The following C6orf132 variants were observed in gnomAD, a reference collection of about 807,000 sequenced individuals.
The protein encoded by C6orf132 is chromosome 6 open reading frame 132.
Under a neutral mutation model 65.3 loss-of-function variants are expected in C6orf132, and 43 were observed. The ratio of observed to expected loss-of-function variants is 0.66; its 90% CI spans 0.52 to 0.85. The LOEUF (loss-of-function observed/expected upper bound fraction) is 0.85, where lower values mean the gene tolerates loss of function less well. C6orf132 is among the 40% of genes least tolerant of loss of function. C6orf132 has a pLI of 0.00. For synonymous variants in C6orf132, 631 were observed against 654.1 expected, an observed-to-expected ratio of 0.96 and a Z score of 0.54; for missense variants, 1,488 against 1,548.8, an observed-to-expected ratio of 0.96 and a Z score of 0.66.
intron 2 of C6orf132, among the ~76,000 whole-genome samples, chr6:42,128,085 G>A (rs561939904): frequency 2.4e-4 from 34 of 142,214 alleles, no homozygotes; most frequent in South Asian, 7.0e-4. Context: ...CCACTACACC[G>A]GCTATTTTTT....
intron 2 of C6orf132, among the ~76,000 whole-genome samples, chr6:42,127,175 G>C (rs150815900): frequency 0.034 from 5,153 of 152,172 alleles, 323 homozygotes; most frequent in African/African-American, 0.12. Context: ...GGCTAGTCTT[G>C]AACTCCTGGC....
At chr6:42,112,839 G>A (rs961378599) in intron 2 of C6orf132, among the ~76,000 whole-genome samples, 7 of 152,178 alleles carry the variant, frequency 4.6e-5, no homozygotes, top group East Asian at 3.8e-4. Flanking sequence ...GGCACTCAAG[G>A]TCGATGTTAC....
intron 2 of C6orf132, among the ~76,000 whole-genome samples, chr6:42,123,839 A>G (rs1766727396): frequency 6.6e-6 from 1 of 151,902 alleles, no homozygotes; most frequent in Non-Finnish European, 1.5e-5. Flanking sequence ...CTGTAGTCCT[A>G]CCCCCTCTGA....
rs1766326869 is a variant in C6orf132 at position 42,103,376 on chromosome 6, A to C, written c.*385T>G. The C allele has an allele frequency of 2.5e-6, 1 of 397,110 alleles. No individual in the cohort carries two copies. The highest frequency in any genetic ancestry group is 2.1e-5 in the African/African-American group (1 of 48,632). The allele number at this position is 397,110 out of a possible 1,614,324, so 24.6% of individuals were successfully genotyped here. On this transcript the variant is annotated 3_prime_UTR_variant, in exon 5 of 5. Transcript: ENST00000341865. ...TATCTCGATGGGTTCCAGTTCAGTC[A>C]GTGCCCCACCCCTTGCTTTCAGAAC...
At chr6:42,114,235 G>T (rs999547296) in intron 2 of C6orf132, among the ~76,000 whole-genome samples, 1 of 152,156 alleles carries the variant, frequency 6.6e-6, no homozygotes, top group African/African-American at 2.4e-5. Context: ...TCCCTATTCT[G>T]ACACAAGGGG....
At position 42,104,395 on chromosome 6, in the gene C6orf132, G is replaced by A; in HGVS notation, c.3449+68C>T. ...ATGTTTTCTCTTGACGGATGGCCGG[G>A]ACTCCTTGGCCCTCGCCTGGCTTTC... is the stretch of plus-strand genomic sequence containing the variant. On this transcript the variant is annotated intron_variant, in intron 4 of 4. Transcript: ENST00000341865. The surrounding 1 kb of genome is among the most constrained non-coding windows in gnomAD (Gnocchi z 4.1). 4.9e-6 allele frequency: 6 copies of A among 1,227,184 alleles called. No individual in the cohort carries two copies. Among genetic ancestry groups the A allele is most frequent in the Non-Finnish European group, 6.1e-6 (6 of 985,340 alleles). 76.0% of individuals were successfully genotyped at this position (1,227,184 alleles called of 1,614,324 possible).
intron 2 of C6orf132, among the ~76,000 whole-genome samples, chr6:42,122,321 T>C (rs1766701819): frequency 6.6e-6 from 1 of 152,170 alleles, no homozygotes; most frequent in African/African-American, 2.4e-5. Context: ...GCGCACCACG[T>C]CCCTGGAGAC....
rs568848793 is a variant in C6orf132 at position 42,115,507 on chromosome 6, A to T, written c.253-5216T>A. 7.3e-5 allele frequency among the ~76,000 whole-genome samples: 11 copies of T among 151,270 alleles called. No homozygotes were observed. The East Asian group carries it at 2.2e-3, about 30-fold the overall frequency. The stretch of plus-strand genomic sequence containing the variant: ...TAAAAACACAAAATATTAGCCCGGC[A>T]TGGTGGCAGGCGCCTGTAGTCCCAG... On this transcript the variant is annotated intron_variant, in intron 2 of 4. Transcript: ENST00000341865.
chr6:42,137,832 C>T (rs914331680), intron 1 of C6orf132, among the ~76,000 whole-genome samples: 10 of 3,728 alleles, frequency 2.7e-3, no homozygotes, highest in East Asian at 4.7e-3. Context: ...CGGGGCGGGG[C>T]GGGGCGGGGC....
chr6:42,108,885 A>T (rs1432735689), intron 3 of C6orf132, among the ~76,000 whole-genome samples: 1 of 152,180 alleles, frequency 6.6e-6, no homozygotes, highest in African/African-American at 2.4e-5. Flanking sequence ...CCTGACTTCA[A>T]ACTGAAGAAA....
rs1766345602 is a variant in C6orf132, at chr6:42,104,230, GAGAGAGACAGAC to G, written c.3449+221_3449+232del. On this transcript the variant is annotated intron_variant, in intron 4 of 4. Transcript: ENST00000341865. The surrounding 1 kb of genome is among the most constrained non-coding windows in gnomAD (Gnocchi z 4.1). Reference sequence around the variant, plus strand: ...CTGACCTCTGGGATCTAGCGGGCAGGAGAGAGACAGACGAGAGGAGCTGGTGGGGAAAGAGAA... The same window carrying G: ...CTGACCTCTGGGATCTAGCGGGCAGGGAGAGGAGCTGGTGGGGAAAGAGAA... Among the ~76,000 whole-genome samples, 2 of 152,038 alleles carry G rather than the reference GAGAGAGACAGAC, an allele frequency of 1.3e-5. No individual in the cohort carries two copies. Among genetic ancestry groups the G allele is most frequent in the African/African-American group, 4.8e-5 (2 of 41,256 alleles).
Position 42,107,103 on chromosome 6 carries a change from T to A in C6orf132, c.809A>T (p.Glu270Val). The change falls in exon 4 of 5, where the codon GAG becomes GTG. Residue 270 changes from glutamate to valine, a missense_variant. Coordinates refer to ENST00000341865, the MANE Select transcript of C6orf132 (RefSeq NM_001164446.3). ...TCTCGGGGGGCTGGCTCTGGTGGCC[T>A]CTGCCTGCCTGCCATTCAGTGCTAC... ...SDVALNGRQA[E>V]ATRASPPRSP... The A allele has an allele frequency of 6.9e-7, 1 of 1,456,674 alleles. No individual in the cohort carries two copies. The highest frequency in any genetic ancestry group is 1.4e-5 in the South Asian group (1 of 71,814). The allele number at this position is 1,456,674 out of a possible 1,614,324, so 90.2% of individuals were successfully genotyped here. A position where few individuals can be genotyped will look rare whatever the true frequency, so the allele number is the denominator to read the frequency against.
In C6orf132 at chr6:42,107,553, C is replaced by G. The variant is rs769360071; in HGVS notation, c.359G>C (p.Arg120Pro). The change falls in exon 4 of 5, where the codon CGA becomes CCA. Residue 120 changes from arginine to proline, a missense_variant. Coordinates refer to ENST00000341865, the MANE Select transcript of C6orf132 (RefSeq NM_001164446.3). Reference sequence around the variant, plus strand: ...CAGGTCACCCACAGAGCTGTACAGTCGGAGGTTGCCATTGACTAGTGAGCT... The same window carrying G: ...CAGGTCACCCACAGAGCTGTACAGTGGGAGGTTGCCATTGACTAGTGAGCT... ...GTSSLVNGNL[R>P]LYSSVGDLRP... is the part of the protein sequence containing the mutation. 6.4e-7 allele frequency: 1 copy of G among 1,550,724 alleles called. No individual in the cohort carries two copies. Among genetic ancestry groups the G allele is most frequent in the African/African-American group, 1.4e-5 (1 of 73,028 alleles).
chr6:42,135,784 T>C (rs189588365), intron 1 of C6orf132, among the ~76,000 whole-genome samples: 22 of 152,364 alleles, frequency 1.4e-4, no homozygotes, highest in Admixed American at 3.9e-4. Flanking sequence ...ATGGGGGAAG[T>C]ACCCTTATTA....
At chr6:42,131,633 C>T (rs4714572) in intron 1 of C6orf132, among the ~76,000 whole-genome samples, 23,993 of 152,094 alleles carry the variant, frequency 0.16, 1,949 homozygotes, top group African/African-American at 0.18. Context: ...TGGGAAGCAA[C>T]GGGAGGTGAG....
At chr6:42,136,905 T>C (rs1386053431) in intron 1 of C6orf132, among the ~76,000 whole-genome samples, 1 of 151,942 alleles carries the variant, frequency 6.6e-6, no homozygotes, top group African/African-American at 2.4e-5. Flanking sequence ...GCCCTGCAGG[T>C]GGGACTAAGG....
At position 42,107,408 on chromosome 6, in the gene C6orf132, G is replaced by A; in HGVS notation, c.504C>T (p.Ser168=). 2 of 1,457,834 alleles carry A rather than the reference G, an allele frequency of 1.4e-6. No homozygotes were observed. Among genetic ancestry groups the A allele is most frequent in the Non-Finnish European group, 1.9e-6 (2 of 1,080,612 alleles). 90.3% of individuals were successfully genotyped at this position (1,457,834 alleles called of 1,614,324 possible). The change falls in exon 4 of 5, where the codon TCC becomes TCT. Residue 168 remains serine, a synonymous_variant. Transcript: ENST00000341865. ...GCAGGGGAGGTGGTGGGGGTGCTGT[G>A]GAAGGTGGAGATGGCAGTGGCGACC... The part of the protein sequence containing the change: ...PGGSPLPSPP[S]TAPPPPPLLL...
chr6:42,118,056 T>C (rs1276477302), intron 2 of C6orf132, among the ~76,000 whole-genome samples: 2 of 151,920 alleles, frequency 1.3e-5, no homozygotes, highest in Non-Finnish European at 2.9e-5. Context: ...TTCTGCCCCT[T>C]CTGTAAATAC....
chr6:42,105,789 T>C lies in C6orf132; in HGVS notation c.2123A>G (p.Glu708Gly). 1 of 1,537,330 alleles carries C rather than the reference T, an allele frequency of 6.5e-7. No homozygotes were observed. ...LPTTTSQLMA[E>G]KDSGPAGQPE... ...CTGGCCAGCTGGGCCTGAGTCCTTCTCTGCCATCAGTTGGGATGTGGTGGT... is the reference window on the plus strand; with the variant it reads ...CTGGCCAGCTGGGCCTGAGTCCTTCCCTGCCATCAGTTGGGATGTGGTGGT... The change falls in exon 4 of 5, where the codon GAG becomes GGG. Residue 708 changes from glutamate (E) to glycine (G), a missense_variant. Glu to Gly is a moderately conservative substitution (Grantham distance 98, BLOSUM62 -2). Transcript: ENST00000341865.
Sources: gnomAD v4.1 joint callset for allele counts (sites outside exome capture counted in the v4.1 genomes callset) on GRCh38, gnomAD v4.1.1 for gene constraint, Gnocchi (gnomAD v3.1) non-coding constraint, MANE v1.5 for transcripts, NCBI Gene and HGNC (gene_info 2026-07-23, HGNC 2026-07-21) for gene names.